The following CERT1 variants were observed in gnomAD, a reference collection of about 807,000 sequenced individuals.
CERT1 encodes ceramide transporter 1, also known as ceramide transfer protein.
Under a neutral mutation model 87.9 loss-of-function variants are expected in CERT1, and 31 were observed. The ratio of observed to expected loss-of-function variants is 0.35; its 90% CI spans 0.27 to 0.48. CERT1 has a LOEUF of 0.48. CERT1 is among the 20% of genes least tolerant of loss of function. CERT1 has a pLI of 0.99. For missense variants in CERT1, 487 were observed against 758.0 expected (o/e 0.64, Z 4.20); for synonymous variants, 289 against 250.9 (o/e 1.15, Z -1.44).
intron 11 of CERT1, among the ~76,000 whole-genome samples, chr5:75,397,789 G>A (rs1051166984): frequency 6.6e-6 from 1 of 152,166 alleles, no homozygotes; most frequent in East Asian, 1.9e-4. Context: ...GGGAGGCCGA[G>A]GTGGGCAGAT....
At chr5:75,395,319 G>A (rs924877668) in intron 11 of CERT1, among the ~76,000 whole-genome samples, 3 of 152,028 alleles carry the variant, frequency 2.0e-5, no homozygotes, top group South Asian at 2.1e-4. Flanking sequence ...TCTAGTTTGT[G>A]GCCACAGCCA....
chr5:75,507,311 A>G (rs1174995743), intron 1 of CERT1, among the ~76,000 whole-genome samples: 2 of 152,084 alleles, frequency 1.3e-5, no homozygotes, highest in South Asian at 4.1e-4. Flanking sequence ...AGGTTTCGCT[A>G]TGGTGCCAAG....
At chr5:75,451,877 G>A (rs1764782097) in intron 3 of CERT1, among the ~76,000 whole-genome samples, 1 of 152,044 alleles carries the variant, frequency 6.6e-6, no homozygotes. Flanking sequence ...AGAGCATGGG[G>A]GAAATATTTC....
chr5:75,503,623 G>C (rs1767485535), intron 2 of CERT1, among the ~76,000 whole-genome samples: 1 of 151,714 alleles, frequency 6.6e-6, no homozygotes, highest in Non-Finnish European at 1.5e-5. Flanking sequence ...TTGTATCTAA[G>C]ACTACCACAC....
At chr5:75,503,627 A>C (rs1767485780) in intron 2 of CERT1, among the ~76,000 whole-genome samples, 1 of 151,912 alleles carries the variant, frequency 6.6e-6, no homozygotes, top group Non-Finnish European at 1.5e-5. Flanking sequence ...ATCTAAGACT[A>C]CCACACAGAT....
intron 11 of CERT1, among the ~76,000 whole-genome samples, chr5:75,390,946 T>C (rs1373872883): frequency 6.6e-6 from 1 of 151,720 alleles, no homozygotes; most frequent in Non-Finnish European, 1.5e-5. Context: ...TAAAACTATA[T>C]GCCTGTGCCA....
At chr5:75,436,235 G>A (rs542879847) in intron 3 of CERT1, among the ~76,000 whole-genome samples, 91 of 151,982 alleles carry the variant, frequency 6.0e-4, no homozygotes, top group African/African-American at 2.1e-3. Context: ...GAGTTTCACC[G>A]TGTTAGCCAG....
intron 2 of CERT1, among the ~76,000 whole-genome samples, chr5:75,484,097 TAG>T (rs962539282): frequency 6.6e-6 from 1 of 151,966 alleles, no homozygotes; most frequent in African/African-American, 2.4e-5. Flanking sequence ...GATAAAATTA[TAG>T]AGTTTTTATG....
chr5:75,481,276 C>A (rs1011504979), intron 2 of CERT1, among the ~76,000 whole-genome samples: 10 of 152,174 alleles, frequency 6.6e-5, no homozygotes, highest in Admixed American at 2.0e-4. Flanking sequence ...CACCTTCAGA[C>A]TGCTTCTCAA....
At chr5:75,511,045 G>A (rs1767952118) in intron 1 of CERT1, 67 bp downstream of exon 1, 2 of 1,452,558 alleles carry the variant, frequency 1.4e-6, no homozygotes, top group Non-Finnish European at 1.8e-6. Flanking sequence ...CCACCCCACC[G>A]CCTCAGCGGA....
At chr5:75,388,431 T>C (rs1761886668) in intron 12 of CERT1, among the ~76,000 whole-genome samples, 1 of 151,828 alleles carries the variant, frequency 6.6e-6, no homozygotes, top group African/African-American at 2.4e-5. Flanking sequence ...ACCTCACCCT[T>C]GTCACAACTT....
At chr5:75,438,349 C>G (rs751874626) in intron 3 of CERT1, among the ~76,000 whole-genome samples, 1 of 152,068 alleles carries the variant, frequency 6.6e-6, no homozygotes, top group Non-Finnish European at 1.5e-5. Context: ...CTTTGAAAAC[C>G]CACAGTTTTT....
intron 3 of CERT1, among the ~76,000 whole-genome samples, chr5:75,457,932 T>C (rs1035464243): frequency 3.4e-5 from 5 of 146,694 alleles, no homozygotes; most frequent in African/African-American, 2.5e-5. Flanking sequence ...GTGTGGTGTG[T>C]GTGTGTGTGT....
upstream of CERT1, chr5:75,511,638 C>T (rs2112496446): frequency 6.7e-7 from 1 of 1,494,412 alleles, no homozygotes; most frequent in Non-Finnish European, 8.9e-7. Flanking sequence ...TTACCCTCCC[C>T]TCCCCTGTCC....
chr5:75,491,370 T>C (rs948187855), intron 2 of CERT1, among the ~76,000 whole-genome samples: 4 of 152,196 alleles, frequency 2.6e-5, no homozygotes, highest in African/African-American at 4.8e-5. Context: ...CTTTTCTGTC[T>C]TCCAGAAGTT....
At chr5:75,463,751 C>T (rs549185933) in intron 2 of CERT1, among the ~76,000 whole-genome samples, 6 of 152,144 alleles carry the variant, frequency 3.9e-5, no homozygotes, top group South Asian at 4.2e-4. Flanking sequence ...AAAGTTGAGA[C>T]GGGAGGTCAG....
intron 11 of CERT1, among the ~76,000 whole-genome samples, chr5:75,396,802 T>G (rs766137168): frequency 6.6e-6 from 1 of 151,678 alleles, no homozygotes; most frequent in Non-Finnish European, 1.5e-5. Context: ...CTAATGTTAA[T>G]GAATAACCTT....
chr5:75,507,086 C>T (rs1257786115), intron 1 of CERT1, among the ~76,000 whole-genome samples: 2 of 152,128 alleles, frequency 1.3e-5, no homozygotes, highest in East Asian at 1.9e-4. Flanking sequence ...TTTCTGTTCT[C>T]TAATTAAGCA....
intron 3 of CERT1, among the ~76,000 whole-genome samples, chr5:75,455,869 C>A (rs1007100814): frequency 6.6e-6 from 1 of 152,166 alleles, no homozygotes. Context: ...TAATTTTAAT[C>A]TAAACCTGTT....
Sources: allele counts gnomAD v4.1 joint callset (sites outside exome capture counted in the v4.1 genomes callset), GRCh38; gene constraint gnomAD v4.1.1; transcripts MANE v1.5; gene names NCBI Gene and HGNC (gene_info 2026-07-23, HGNC 2026-07-21).